Variants in RBFOX3 observed in about 807,000 individuals in gnomAD.
The protein encoded by RBFOX3 is RNA binding fox-1 homolog 3.
RBFOX3 carries 17 observed loss-of-function variants against 48.7 expected under a neutral mutation model. The ratio of observed to expected loss-of-function variants is 0.35; its 90% CI spans 0.24 to 0.52. The LOEUF is 0.52. RBFOX3 is among the 20% of genes least tolerant of loss of function. RBFOX3 has a pLI of 0.94. For synonymous variants in RBFOX3, 212 were observed against 209.5 expected, an observed-to-expected ratio of 1.01 and a Z score of -0.10; for missense variants, 382 against 497.5, an observed-to-expected ratio of 0.77 and a Z score of 2.21.
Position 79,443,627 on chromosome 17 carries a change from C to A in RBFOX3, c.-175+38827G>T, listed in dbSNP as rs2071622424. Among the ~76,000 whole-genome samples, 1 of 152,202 alleles carries A rather than the reference C, an allele frequency of 6.6e-6. No individual in the cohort carries two copies. On this transcript the variant is annotated intron_variant, in intron 2 of 14. Coordinates refer to ENST00000693108, the MANE Select transcript of RBFOX3 (RefSeq NM_001350451.2). This position sits in a 1 kb window ranked among gnomAD's most constrained non-coding sequence, Gnocchi z 4.4. ...CAAACTCCTGACCTCAGGTGATCCACCCGCCTCGGCCTCCCAAAGTGCTGG... is the reference window on the plus strand; with the variant it reads ...CAAACTCCTGACCTCAGGTGATCCAACCGCCTCGGCCTCCCAAAGTGCTGG...
intron 1 of RBFOX3, among the ~76,000 whole-genome samples, chr17:79,590,971 C>G (rs1162536482): frequency 6.6e-6 from 1 of 152,198 alleles, no homozygotes; most frequent in Non-Finnish European, 1.5e-5. Flanking sequence ...AGCATCCAGC[C>G]TCTCAGGAGC....
chr17:79,287,650 G>A (rs892699895), intron 3 of RBFOX3, among the ~76,000 whole-genome samples: 14 of 152,298 alleles, frequency 9.2e-5, no homozygotes, highest in Admixed American at 8.5e-4. Context: ...CCTGAGAATC[G>A]GGGATCCTGA....
intron 4 of RBFOX3, among the ~76,000 whole-genome samples, chr17:79,143,950 C>T (rs530832490): frequency 4.0e-4 from 61 of 152,352 alleles, no homozygotes; most frequent in Middle Eastern, 3.4e-3. Context: ...CACCCCCATC[C>T]TTCCACTGAA....
rs1184534622 is a variant in RBFOX3 at position 79,473,468 on chromosome 17, G to C, written c.-175+8986C>G. Among the ~76,000 whole-genome samples, 3 of 152,214 alleles carry C rather than the reference G, an allele frequency of 2.0e-5. No homozygotes were observed. The highest frequency in any genetic ancestry group is 1.3e-4 in the Admixed American group (2 of 15,278). Reference sequence around the variant, plus strand: ...ATAACCTGCTCACATGTGTCATTCAGGGACGTCAGCCTGATGGATTTCCAG... The same window carrying C: ...ATAACCTGCTCACATGTGTCATTCACGGACGTCAGCCTGATGGATTTCCAG... On this transcript the variant is annotated intron_variant, in intron 2 of 14. Transcript: ENST00000693108. The surrounding 1 kb of genome is among the most constrained non-coding windows in gnomAD (Gnocchi z 4.2).
Position 79,480,518 on chromosome 17 carries a change from C to A in RBFOX3, c.-175+1936G>T, listed in dbSNP as rs1415469373. On this transcript the variant is annotated intron_variant, in intron 2 of 14. Transcript: ENST00000693108. This position sits in a 1 kb window ranked among gnomAD's most constrained non-coding sequence, Gnocchi z 4.8. ...CCCTTAAGACAAAATCCAAAGTCCT[C>A]AGTCCCAACCTAAAGGCCTCTGCAT... 3.3e-5 allele frequency among the ~76,000 whole-genome samples: 5 copies of A among 152,206 alleles called. No homozygotes were observed. Among genetic ancestry groups the A allele is most frequent in the Non-Finnish European group, 7.3e-5 (5 of 68,044 alleles).
intron 2 of RBFOX3, among the ~76,000 whole-genome samples, chr17:79,345,903 T>G (rs1175523126): frequency 6.6e-6 from 1 of 152,176 alleles, no homozygotes; most frequent in African/African-American, 2.4e-5. Flanking sequence ...CATTTTCCTC[T>G]ATGAGATTTG....
At chr17:79,093,825 AC>A in intron 14 of RBFOX3, among the ~76,000 whole-genome samples, 1 of 151,172 alleles carries the variant, frequency 6.6e-6, no homozygotes, top group African/African-American at 2.4e-5. Flanking sequence ...ACACACACAC[AC>A]AGAGACACGC....
intron 2 of RBFOX3, among the ~76,000 whole-genome samples, chr17:79,341,133 G>T (rs1360221584): frequency 1.3e-5 from 2 of 152,220 alleles, no homozygotes; most frequent in Non-Finnish European, 2.9e-5. Context: ...ATGCACACGG[G>T]AAGGCAGACA....
chr17:79,601,055 G>GC, intron 1 of RBFOX3: 1 of 152,470 alleles, frequency 6.6e-6, no homozygotes, highest in South Asian at 2.1e-4. Flanking sequence ...CGCTGCTCCC[G>GC]CCCCGGGGCC....
At position 79,481,525 on chromosome 17, in the gene RBFOX3, C is replaced by T. The variant is rs1292162064; in HGVS notation, c.-175+929G>A. Among the ~76,000 whole-genome samples the T allele has an allele frequency of 3.9e-5, 6 of 152,050 alleles. No homozygotes were observed. Among genetic ancestry groups the T allele is most frequent in the African/African-American group, 1.2e-4 (5 of 41,382 alleles). ...GCTGACCTGGCAACTCACAGGGACCCGTAGGAAGCTTCAAGTGTGAGGCTG... is the reference window on the plus strand; with the variant it reads ...GCTGACCTGGCAACTCACAGGGACCTGTAGGAAGCTTCAAGTGTGAGGCTG... On this transcript the variant is annotated intron_variant, in intron 2 of 14. Coordinates refer to ENST00000693108, the MANE Select transcript of RBFOX3 (RefSeq NM_001350451.2). This position sits in a 1 kb window ranked among gnomAD's most constrained non-coding sequence, Gnocchi z 5.4.
intron 2 of RBFOX3, among the ~76,000 whole-genome samples, chr17:79,439,638 C>T (rs1254058265): frequency 2.6e-5 from 4 of 152,264 alleles, no homozygotes; most frequent in African/African-American, 9.6e-5. Flanking sequence ...CACACGCACA[C>T]TGCACACATG....
At chr17:79,459,016 C>T (rs956776072) in intron 2 of RBFOX3, among the ~76,000 whole-genome samples, 16 of 152,322 alleles carry the variant, frequency 1.1e-4, no homozygotes, top group Non-Finnish European at 1.8e-4. Flanking sequence ...CCTGTGCCCA[C>T]TTCGTCCTTC....
intron 1 of RBFOX3, among the ~76,000 whole-genome samples, chr17:79,606,493 C>T (rs1420953181): frequency 6.6e-6 from 1 of 152,214 alleles, no homozygotes; most frequent in African/African-American, 2.4e-5. Flanking sequence ...AACTGATAGA[C>T]TGAGCTCGCC....
At chr17:79,261,844 T>G (rs530252672) in intron 3 of RBFOX3, among the ~76,000 whole-genome samples, 52 of 152,292 alleles carry the variant, frequency 3.4e-4, no homozygotes, top group African/African-American at 1.3e-3. Flanking sequence ...CTTGGCAGCT[T>G]CTGATGGAAC....
chr17:79,494,321 C>T (rs2081130024), intron 1 of RBFOX3, among the ~76,000 whole-genome samples: 1 of 152,104 alleles, frequency 6.6e-6, no homozygotes, highest in Non-Finnish European at 1.5e-5. Context: ...AGGGGTGAGG[C>T]CTGAAGGCTG....
chr17:79,189,909 C>A (rs1279203274), intron 4 of RBFOX3, among the ~76,000 whole-genome samples: 10 of 152,246 alleles, frequency 6.6e-5, no homozygotes, highest in African/African-American at 2.2e-4. Context: ...GGTTGGGCCC[C>A]CACTGCAGAC....
chr17:79,468,115 G>A (rs2058800668), intron 2 of RBFOX3, among the ~76,000 whole-genome samples: 1 of 152,150 alleles, frequency 6.6e-6, no homozygotes, highest in East Asian at 1.9e-4. Flanking sequence ...GTGGAGCCAG[G>A]AAACATGACT....
chr17:79,243,274 C>A lies in RBFOX3; in HGVS notation c.-73-7469G>T, dbSNP rs1004410673. 4.6e-5 allele frequency among the ~76,000 whole-genome samples: 7 copies of A among 152,122 alleles called. No homozygotes were observed. Among genetic ancestry groups the A allele is most frequent in the Non-Finnish European group, 8.8e-5 (6 of 68,022 alleles). On this transcript the variant is annotated intron_variant, in intron 3 of 14. Transcript: ENST00000693108. The surrounding 1 kb of genome is among the most constrained non-coding windows in gnomAD (Gnocchi z 7.9). The stretch of plus-strand genomic sequence containing the variant: ...CTCAGGCCAAGCACTCCCGGATAAA[C>A]CCTGGAGTGTCAGAGTGAGCAGGGG...
chr17:79,615,242 C>T (rs1232637713), upstream of RBFOX3, among the ~76,000 whole-genome samples: 2 of 152,086 alleles, frequency 1.3e-5, no homozygotes, highest in African/African-American at 4.8e-5. Context: ...AACAATCAAA[C>T]GTGAGATTAA....
Sources: allele counts gnomAD v4.1 joint callset (sites outside exome capture counted in the v4.1 genomes callset), GRCh38; gene constraint gnomAD v4.1.1; non-coding constraint Gnocchi (gnomAD v3.1); transcripts MANE v1.5; gene names NCBI Gene and HGNC (gene_info 2026-07-23, HGNC 2026-07-21).